CNTNAP2: variants seen among roughly 807,000 people sequenced by gnomAD.
The protein encoded by CNTNAP2 is contactin associated protein 2.
CNTNAP2 carries 98 observed loss-of-function variants against 155.2 expected under a neutral mutation model. The ratio of observed to expected loss-of-function variants is 0.63; its 90% CI spans 0.54 to 0.75. The LOEUF (loss-of-function observed/expected upper bound fraction) is 0.75, where lower values mean the gene tolerates loss of function less well. Among genes scored for constraint, CNTNAP2 ranks in the 30% least tolerant of loss-of-function variants. The pLI, the probability that CNTNAP2 is intolerant of heterozygous loss-of-function variation, is 0.00. For synonymous variants in CNTNAP2, 651 were observed against 631.2 expected (o/e 1.03, Z -0.47); for missense variants, 1,727 against 1,688.1 (o/e 1.02, Z -0.40).
intron 1 of CNTNAP2, among the ~76,000 whole-genome samples, chr7:146,186,321 A>T (rs1798623308): frequency 6.6e-6 from 1 of 152,178 alleles, no homozygotes; most frequent in African/African-American, 2.4e-5. Flanking sequence ...AACAGAAGGA[A>T]AAATGATTTT....
At chr7:146,727,256 A>G (rs780286752) in intron 1 of CNTNAP2, among the ~76,000 whole-genome samples, 12 of 152,160 alleles carry the variant, frequency 7.9e-5, no homozygotes, top group Non-Finnish European at 1.2e-4. Flanking sequence ...AAAATGACAG[A>G]TTATGTACAC....
chr7:147,163,929 A>C (rs1474604800), intron 8 of CNTNAP2, among the ~76,000 whole-genome samples: 1 of 152,176 alleles, frequency 6.6e-6, no homozygotes. Context: ...TCATTCGAAA[A>C]CTCAGGATAA....
chr7:146,269,146 C>T (rs140772646), intron 1 of CNTNAP2, among the ~76,000 whole-genome samples: 1 of 152,152 alleles, frequency 6.6e-6, no homozygotes, highest in East Asian at 1.9e-4. Flanking sequence ...TCGAGACAAT[C>T]CTGGCCAACA....
intron 3 of CNTNAP2, among the ~76,000 whole-genome samples, chr7:146,859,984 A>T (rs1795067743): frequency 6.6e-6 from 1 of 152,154 alleles, no homozygotes; most frequent in Non-Finnish European, 1.5e-5. Flanking sequence ...TGCTTTAAGA[A>T]CAAGAGACTT....
Position 148,066,142 on chromosome 7 carries a change from C to T in CNTNAP2, c.2384-51976C>T, listed in dbSNP as rs181011061. ...CCTATCTGGCTTGTAGGGTTTCTGCCGAGAAATCTGCTGTTAATCTGATAG... is the reference window on the plus strand; with the variant it reads ...CCTATCTGGCTTGTAGGGTTTCTGCTGAGAAATCTGCTGTTAATCTGATAG... On this transcript the variant is annotated intron_variant, in intron 15 of 23. Coordinates refer to ENST00000361727, the MANE Select transcript of CNTNAP2 (RefSeq NM_014141.6). 2.1e-3 allele frequency among the ~76,000 whole-genome samples: 322 copies of T among 152,224 alleles called. 1 individual carries two copies. Among genetic ancestry groups the T allele is most frequent in the African/African-American group, 6.7e-3 (278 of 41,562 alleles).
chr7:147,978,049 G>T, intron 15 of CNTNAP2, 60 bp downstream of exon 15: 1 of 1,604,676 alleles, frequency 6.2e-7, no homozygotes, highest in Non-Finnish European at 8.5e-7. Context: ...ATTGTTTCCA[G>T]GCTCCTCAGA....
intron 13 of CNTNAP2, among the ~76,000 whole-genome samples, chr7:147,804,230 T>C (rs1036307790): frequency 2.0e-5 from 3 of 152,230 alleles, no homozygotes; most frequent in Non-Finnish European, 4.4e-5. Flanking sequence ...TTGTCTGTTT[T>C]CATAAATTGA....
intron 1 of CNTNAP2, among the ~76,000 whole-genome samples, chr7:146,355,864 G>T (rs1471510794): frequency 1.3e-5 from 2 of 151,956 alleles, no homozygotes; most frequent in African/African-American, 4.8e-5. Context: ...TTCTGTCATT[G>T]TTTGTCTTAA....
chr7:146,641,096 G>A lies in CNTNAP2; in HGVS notation c.98-133175G>A, dbSNP rs552556119. On this transcript the variant is annotated intron_variant, in intron 1 of 23. Coordinates refer to ENST00000361727, the MANE Select transcript of CNTNAP2 (RefSeq NM_014141.6). ...AATCCCAGCACTTTGGGAGGCTGAG[G>A]TGGGCGGATCACAAGGTCAGGAGAT... Among the ~76,000 whole-genome samples the A allele has an allele frequency of 7.9e-5, 12 of 152,316 alleles. No individual in the cohort carries two copies. In the East Asian group the frequency reaches 2.3e-3, roughly 29 times the overall value.
intron 1 of CNTNAP2, among the ~76,000 whole-genome samples, chr7:146,256,827 G>A (rs1353087120): frequency 6.6e-6 from 1 of 151,948 alleles, no homozygotes; most frequent in Non-Finnish European, 1.5e-5. Context: ...AATAAAATGT[G>A]TAAAATCAAA....
intron 1 of CNTNAP2, among the ~76,000 whole-genome samples, chr7:146,695,290 A>G (rs985259309): frequency 1.3e-5 from 2 of 152,180 alleles, no homozygotes; most frequent in Admixed American, 6.5e-5. Flanking sequence ...CAGAGTTTTT[A>G]TGAGAAATGT....
At chr7:146,775,592 GAGGAAGGAAGAA>G (rs1255356370) in intron 2 of CNTNAP2, among the ~76,000 whole-genome samples, 2 of 150,314 alleles carry the variant, frequency 1.3e-5, no homozygotes, top group South Asian at 2.1e-4. Context: ...GGGAGGGAGA[GAGGAAGGAAGAA>G]AGGAAGGAAG....
At chr7:147,036,209 A>T (rs1916943) in intron 3 of CNTNAP2, among the ~76,000 whole-genome samples, 63,308 of 151,992 alleles carry the variant, frequency 0.42, 13,489 homozygotes, top group South Asian at 0.47. Flanking sequence ...AATATGGGAC[A>T]GAGGAGCATG....
chr7:148,019,097 C>A (rs1410247877), intron 15 of CNTNAP2, among the ~76,000 whole-genome samples: 1 of 152,204 alleles, frequency 6.6e-6, no homozygotes. Context: ...GCCCTGAATA[C>A]CTGCTGGATT....
At chr7:146,810,325 T>C (rs1418576809) in intron 2 of CNTNAP2, among the ~76,000 whole-genome samples, 1 of 151,388 alleles carries the variant, frequency 6.6e-6, no homozygotes, top group Non-Finnish European at 1.5e-5. Context: ...TCAAGATTGC[T>C]TTGGTATTTT....
intron 1 of CNTNAP2, among the ~76,000 whole-genome samples, chr7:146,606,870 TC>T (rs1251871194): frequency 6.6e-6 from 1 of 152,168 alleles, no homozygotes; most frequent in African/African-American, 2.4e-5. Context: ...CAAGGAGCTG[TC>T]ATAATTTCCA....
intron 1 of CNTNAP2, among the ~76,000 whole-genome samples, chr7:146,751,193 A>G (rs189976759): frequency 6.6e-6 from 1 of 152,276 alleles, no homozygotes. Context: ...ACATTTACAA[A>G]TGCTCAAATT....
At chr7:146,439,879 T>A (rs186151212) in intron 1 of CNTNAP2, among the ~76,000 whole-genome samples, 1 of 151,592 alleles carries the variant, frequency 6.6e-6, no homozygotes, top group Admixed American at 6.6e-5. Context: ...ATCTCAGCAC[T>A]TTGGGAGGCC....
intron 1 of CNTNAP2, among the ~76,000 whole-genome samples, chr7:146,315,419 G>A (rs1468968668): frequency 6.6e-6 from 1 of 152,160 alleles, no homozygotes; most frequent in Non-Finnish European, 1.5e-5. Flanking sequence ...CTTTCCAAAT[G>A]TAAGGCACTG....
Sources: gnomAD v4.1 joint callset for allele counts (sites outside exome capture counted in the v4.1 genomes callset) on GRCh38, gnomAD v4.1.1 for gene constraint, MANE v1.5 for transcripts, NCBI Gene and HGNC (gene_info 2026-07-23, HGNC 2026-07-21) for gene names.